Variants in HIBADH observed in about 807,000 individuals in gnomAD.
HIBADH encodes 3-hydroxyisobutyrate dehydrogenase, mitochondrial.
Under a neutral mutation model 36.1 loss-of-function variants are expected in HIBADH, and 25 were observed. The ratio of observed to expected loss-of-function variants is 0.69; its 90% CI spans 0.50 to 0.97. HIBADH has a LOEUF of 0.97. Ranked by LOEUF, HIBADH falls within the 50% of genes least tolerant of loss-of-function variation. The probability of loss-of-function intolerance (pLI) is 0.00; values close to 1 mark genes in which losing one functional copy is unlikely to be tolerated. For missense variants in HIBADH, 421 were observed against 418.0 expected, an observed-to-expected ratio of 1.01 and a Z score of -0.06; for synonymous variants, 160 against 149.5, an observed-to-expected ratio of 1.07 and a Z score of -0.51.
At chr7:27,581,042 C>G (rs1246498817) in intron 4 of HIBADH, among the ~76,000 whole-genome samples, 1 of 152,048 alleles carries the variant, frequency 6.6e-6, no homozygotes, top group South Asian at 2.1e-4. Context: ...GCTGACACTG[C>G]GTGAGGATAC....
chr7:27,563,745 AGTTG>A (rs1424975488), intron 4 of HIBADH, among the ~76,000 whole-genome samples: 1 of 151,892 alleles, frequency 6.6e-6, no homozygotes, highest in Non-Finnish European at 1.5e-5. Context: ...TTTCTAATTG[AGTTG>A]GTTGTTTTAT....
chr7:27,569,948 T>A (rs1412263028), intron 4 of HIBADH, among the ~76,000 whole-genome samples: 5 of 152,120 alleles, frequency 3.3e-5, no homozygotes, highest in African/African-American at 1.2e-4. Context: ...ACAGAGCATT[T>A]CTTCCACTTT....
chr7:27,589,491 TCAGA>T (rs1784910324), intron 4 of HIBADH, among the ~76,000 whole-genome samples: 1 of 152,204 alleles, frequency 6.6e-6, no homozygotes, highest in Non-Finnish European at 1.5e-5. Flanking sequence ...ATACTGTGGA[TCAGA>T]CACTTTTCTA....
chr7:27,649,328 G>T, intron 2 of HIBADH, 145 bp downstream of exon 2: 1 of 550,376 alleles, frequency 1.8e-6, no homozygotes, highest in Non-Finnish European at 3.0e-6. Flanking sequence ...CTGGATGTTG[G>T]ATGAATGATT....
Position 27,531,267 on chromosome 7 carries a change from A to G in HIBADH, c.777T>C (p.Pro259=), listed in dbSNP as rs1422419582. ...GRCWSSDTYN[P]VPGVMDGVPS... ...GAACGCCATCCATCACTCCAGGTAC[A>G]GGATTATAAGTGTCACTTGACCAAC... is the stretch of plus-strand genomic sequence containing the variant. The change falls in exon 7 of 8, where the codon CCT becomes CCC. Residue 259 remains proline (P), a synonymous_variant. Transcript: ENST00000265395. 1.2e-6 allele frequency: 2 copies of G among 1,613,970 alleles called. No homozygotes were observed. The highest frequency in any genetic ancestry group is 2.7e-5 in the African/African-American group (2 of 74,950).
chr7:27,553,808 T>A (rs2128185805), intron 4 of HIBADH, among the ~76,000 whole-genome samples: 1 of 152,294 alleles, frequency 6.6e-6, no homozygotes, highest in African/African-American at 2.4e-5. Flanking sequence ...TAAAACTCCG[T>A]CTTGCAAATA....
chr7:27,543,959 TA>T (rs1784196900), intron 4 of HIBADH, among the ~76,000 whole-genome samples: 1 of 152,142 alleles, frequency 6.6e-6, no homozygotes. Flanking sequence ...TTATTAACTA[TA>T]AAATAAAACC....
chr7:27,594,334 G>A (rs896436867), intron 4 of HIBADH, among the ~76,000 whole-genome samples: 2 of 151,776 alleles, frequency 1.3e-5, no homozygotes, highest in African/African-American at 2.4e-5. Context: ...GTAGAGACGA[G>A]GTTTCACCAC....
intron 6 of HIBADH, among the ~76,000 whole-genome samples, chr7:27,532,123 C>T (rs994804517): frequency 3.3e-4 from 50 of 152,114 alleles, no homozygotes; most frequent in African/African-American, 1.1e-3. Context: ...ATGGCATAAA[C>T]GGCTGTTCAA....
chr7:27,629,611 G>T, intron 3 of HIBADH, 119 bp from the exon 4 acceptor site: 1 of 597,882 alleles, frequency 1.7e-6, no homozygotes, highest in Non-Finnish European at 2.6e-6. Flanking sequence ...TTTTAGTTTA[G>T]TATTAAAAAC....
rs368715218 is a variant in HIBADH at position 27,638,308 on chromosome 7, C to CAAAAAAAAAAAA, written c.253-5875_253-5864dup. Among the ~76,000 whole-genome samples, 92 of 55,434 alleles carry CAAAAAAAAAAAA rather than the reference C, an allele frequency of 1.7e-3. 4 individuals are homozygous for CAAAAAAAAAAAA. Among genetic ancestry groups the CAAAAAAAAAAAA allele is most frequent in the Non-Finnish European group, 2.1e-3 (66 of 30,956 alleles). 36.4% of individuals were successfully genotyped at this position (55,434 alleles called of 152,430 possible). A position where few individuals can be genotyped will look rare whatever the true frequency, so the allele number is the denominator to read the frequency against. ...ATACCCATCTGATCTTTGGCAAAGT[C>CAAAAAAAAAAAA]AAAAAAAAAAAAAAAAAAAAAACAA... On this transcript the variant is annotated intron_variant, in intron 2 of 7. Coordinates refer to ENST00000265395, the MANE Select transcript of HIBADH (RefSeq NM_152740.4).
chr7:27,619,446 TACA>T (rs1403307881), intron 4 of HIBADH, among the ~76,000 whole-genome samples: 1 of 152,218 alleles, frequency 6.6e-6, no homozygotes, highest in Non-Finnish European at 1.5e-5. Flanking sequence ...ACAACAATTC[TACA>T]ACAATATATT....
chr7:27,537,524 T>C (rs1444639428), intron 6 of HIBADH, among the ~76,000 whole-genome samples: 1 of 152,158 alleles, frequency 6.6e-6, no homozygotes, highest in Non-Finnish European at 1.5e-5. Flanking sequence ...TGAAAGCAAC[T>C]GAGTAAAGCA....
At chr7:27,530,929 TGCGCACACACACACAC>T (rs891316314) in intron 7 of HIBADH, among the ~76,000 whole-genome samples, 1 of 151,962 alleles carries the variant, frequency 6.6e-6, no homozygotes, top group African/African-American at 2.4e-5. Context: ...TAAACCCAAG[TGCGCACACACACACAC>T]ACGCACACAC....
chr7:27,630,871 G>T (rs1320693948), intron 3 of HIBADH, among the ~76,000 whole-genome samples: 1 of 152,090 alleles, frequency 6.6e-6, no homozygotes. Context: ...GAGTATGTAG[G>T]TTTCTCTTTA....
At chr7:27,649,975 G>C (rs899873598) in intron 1 of HIBADH, among the ~76,000 whole-genome samples, 1 of 151,774 alleles carries the variant, frequency 6.6e-6, no homozygotes, top group African/African-American at 2.4e-5. Context: ...TGTGCAGGCA[G>C]ACTAACTTCT....
intron 3 of HIBADH, among the ~76,000 whole-genome samples, chr7:27,630,282 G>A (rs947380495): frequency 2.0e-5 from 3 of 152,092 alleles, no homozygotes; most frequent in African/African-American, 7.2e-5. Flanking sequence ...GACCACAGGT[G>A]CATGCCACCA....
At chr7:27,632,827 C>T (rs181298364) in intron 2 of HIBADH, among the ~76,000 whole-genome samples, 431 of 152,086 alleles carry the variant, frequency 2.8e-3, no homozygotes, top group African/African-American at 7.7e-3. Context: ...AGTACAACAA[C>T]GCTGGTAACT....
intron 4 of HIBADH, among the ~76,000 whole-genome samples, chr7:27,597,845 T>C (rs1468127531): frequency 6.6e-6 from 1 of 152,132 alleles, no homozygotes; most frequent in East Asian, 1.9e-4. Flanking sequence ...TGTATTAGTA[T>C]AAGAAAATAT....
Sources: allele counts gnomAD v4.1 joint callset (sites outside exome capture counted in the v4.1 genomes callset), GRCh38; gene constraint gnomAD v4.1.1; transcripts MANE v1.5; gene names NCBI Gene and HGNC (gene_info 2026-07-23, HGNC 2026-07-21).